PSMD14: variants seen among roughly 807,000 people sequenced by gnomAD.
PSMD14 encodes the protein proteasome 26S subunit, non-ATPase 14, also known as ubiquitin C-terminal hydrolase PSMD14.
In PSMD14, 7 loss-of-function variants were observed where a neutral mutation model predicts 41.2. That is an observed-to-expected ratio of 0.17 (90% confidence interval 0.10 to 0.32). PSMD14 has a LOEUF of 0.32. Ranked by LOEUF, PSMD14 falls within the 10% of genes least tolerant of loss-of-function variation. The pLI, the probability that PSMD14 is intolerant of heterozygous loss-of-function variation, is 1.00. For missense variants in PSMD14, 139 were observed against 375.6 expected, an observed-to-expected ratio of 0.37 and a Z score of 5.21; for synonymous variants, 114 against 122.3, an observed-to-expected ratio of 0.93 and a Z score of 0.45.
intron 7 of PSMD14, among the ~76,000 whole-genome samples, chr2:161,375,527 C>A (rs1189673977): frequency 6.6e-6 from 1 of 151,922 alleles, no homozygotes; most frequent in East Asian, 1.9e-4. Flanking sequence ...GAGGGGTAGG[C>A]AGGACATCAC....
At chr2:161,324,492 G>A (rs1682664480) in intron 3 of PSMD14, among the ~76,000 whole-genome samples, 1 of 152,164 alleles carries the variant, frequency 6.6e-6, no homozygotes, top group Admixed American at 6.6e-5. Flanking sequence ...AAAGGCTAGA[G>A]AATAGATACA....
chr2:161,321,440 T>A (rs183657423), intron 3 of PSMD14, among the ~76,000 whole-genome samples: 3 of 152,352 alleles, frequency 2.0e-5, no homozygotes, highest in East Asian at 1.9e-4. Context: ...TATTTTTTTT[T>A]ATATCAGTGT....
chr2:161,371,119 A>G (rs1683427213), intron 6 of PSMD14, 53 bp from the exon 7 acceptor site: 2 of 1,555,602 alleles, frequency 1.3e-6, no homozygotes, highest in South Asian at 1.2e-5. Context: ...TTTTCATATC[A>G]TAAATGTATT....
At chr2:161,368,478 A>G (rs1683388973) in intron 5 of PSMD14, among the ~76,000 whole-genome samples, 1 of 152,050 alleles carries the variant, frequency 6.6e-6, no homozygotes, top group Non-Finnish European at 1.5e-5. Context: ...ACCTGTATAG[A>G]ATACATTATT....
chr2:161,379,663 G>T (rs1683549246), intron 7 of PSMD14, among the ~76,000 whole-genome samples: 1 of 151,994 alleles, frequency 6.6e-6, no homozygotes. Flanking sequence ...ATGCCAAAAT[G>T]AAATTAGACA....
At chr2:161,365,092 C>T (rs953991011) in intron 3 of PSMD14, among the ~76,000 whole-genome samples, 4 of 152,092 alleles carry the variant, frequency 2.6e-5, no homozygotes, top group South Asian at 2.1e-4. Context: ...GGTGACAGAG[C>T]GAGACTCCGT....
intron 3 of PSMD14, among the ~76,000 whole-genome samples, chr2:161,349,106 G>T (rs1028581273): frequency 3.3e-5 from 5 of 152,160 alleles, no homozygotes; most frequent in African/African-American, 1.2e-4. Context: ...CTTACTATAG[G>T]TTGGTGCAAA....
intron 9 of PSMD14, among the ~76,000 whole-genome samples, chr2:161,393,848 A>G (rs114859809): frequency 0.015 from 2,343 of 152,128 alleles, 53 homozygotes; most frequent in African/African-American, 0.053. Context: ...ACTTAGGAAC[A>G]TCTAAGAATA....
intron 8 of PSMD14, among the ~76,000 whole-genome samples, chr2:161,388,652 G>A (rs1206119282): frequency 2.6e-5 from 4 of 151,958 alleles, no homozygotes; most frequent in Non-Finnish European, 5.9e-5. Flanking sequence ...GTGATTTAAA[G>A]GATATCAGTT....
At chr2:161,338,801 C>A (rs930565648) in intron 3 of PSMD14, among the ~76,000 whole-genome samples, 6 of 152,102 alleles carry the variant, frequency 3.9e-5, no homozygotes, top group Non-Finnish European at 8.8e-5. Flanking sequence ...CCAGTGTAGT[C>A]CCTTTCCTTG....
At chr2:161,377,296 A>G (rs754473944) in intron 7 of PSMD14, among the ~76,000 whole-genome samples, 7 of 151,860 alleles carry the variant, frequency 4.6e-5, no homozygotes, top group Admixed American at 2.0e-4. Context: ...AAAGAAATCT[A>G]TTTCCATTCC....
At chr2:161,401,570 G>A (rs1017224177) in intron 10 of PSMD14, among the ~76,000 whole-genome samples, 4 of 152,258 alleles carry the variant, frequency 2.6e-5, no homozygotes, top group East Asian at 1.9e-4. Flanking sequence ...GGTGACTGTC[G>A]GATTCTGCCA....
At chr2:161,342,802 G>A (rs886978569) in intron 3 of PSMD14, among the ~76,000 whole-genome samples, 1 of 151,686 alleles carries the variant, frequency 6.6e-6, no homozygotes, top group Non-Finnish European at 1.5e-5. Context: ...GAGATTAATT[G>A]GATATTGTAA....
chr2:161,372,989 A>G (rs1212431338), intron 7 of PSMD14, among the ~76,000 whole-genome samples: 1 of 151,910 alleles, frequency 6.6e-6, no homozygotes, highest in Non-Finnish European at 1.5e-5. Flanking sequence ...ACACAATGAA[A>G]GAATGCATTC....
intron 7 of PSMD14, among the ~76,000 whole-genome samples, chr2:161,379,590 ACT>A (rs1206088022): frequency 3.3e-5 from 5 of 151,872 alleles, no homozygotes; most frequent in African/African-American, 1.2e-4. Flanking sequence ...CAATTTTAAC[ACT>A]CTTCATGATA....
chr2:161,376,567 G>A (rs1428258893), intron 7 of PSMD14, among the ~76,000 whole-genome samples: 1 of 151,830 alleles, frequency 6.6e-6, no homozygotes, highest in Non-Finnish European at 1.5e-5. Context: ...CTTATATTTT[G>A]TGCATGCTAA....
At chr2:161,372,890 C>G (rs931538391) in intron 7 of PSMD14, among the ~76,000 whole-genome samples, 3 of 151,720 alleles carry the variant, frequency 2.0e-5, no homozygotes, top group African/African-American at 7.3e-5. Flanking sequence ...AATTAGAATT[C>G]TATTTTGTAG....
chr2:161,345,685 C>T (rs1683031502), intron 3 of PSMD14, among the ~76,000 whole-genome samples: 1 of 151,942 alleles, frequency 6.6e-6, no homozygotes, highest in Admixed American at 6.6e-5. Context: ...CTTCATGTGT[C>T]CGAAGGCCTG....
intron 10 of PSMD14, among the ~76,000 whole-genome samples, chr2:161,403,530 A>G (rs1172431152): frequency 6.6e-6 from 1 of 152,172 alleles, no homozygotes; most frequent in African/African-American, 2.4e-5. Flanking sequence ...GTTATGTGAA[A>G]TGTACCTCAT....
Sources: gnomAD v4.1 joint callset for allele counts (sites outside exome capture counted in the v4.1 genomes callset) on GRCh38, gnomAD v4.1.1 for gene constraint, MANE v1.5 for transcripts, NCBI Gene and HGNC (gene_info 2026-07-23, HGNC 2026-07-21) for gene names.